Variants in SH3PXD2A observed in about 807,000 individuals in gnomAD.
The protein encoded by SH3PXD2A is SH3 and PX domain-containing protein 2A.
Under a neutral mutation model 115.2 loss-of-function variants are expected in SH3PXD2A, and 32 were observed. The ratio of observed to expected loss-of-function variants is 0.28; its 90% CI spans 0.21 to 0.37. The LOEUF is 0.37. SH3PXD2A is among the 10% of genes least tolerant of loss of function. The probability of loss-of-function intolerance (pLI) is 1.00; values close to 1 mark genes in which losing one functional copy is unlikely to be tolerated. For synonymous variants in SH3PXD2A, 610 were observed against 629.1 expected, an observed-to-expected ratio of 0.97 and a Z score of 0.45; for missense variants, 1,328 against 1,498.7, an observed-to-expected ratio of 0.89 and a Z score of 1.88.
rs928420097 is a variant in SH3PXD2A at position 103,630,999 on chromosome 10, A to AT, written c.605-3798dup. Among the ~76,000 whole-genome samples the AT allele has an allele frequency of 3.6e-4, 55 of 152,002 alleles. 1 individual carries two copies. The highest frequency in any genetic ancestry group is 6.6e-5 in the Admixed American group (1 of 15,264). Reference sequence around the variant, plus strand: ...GATGGTACCAAGCCCTTATATATACATTTTTTTCCTATACATACATGCCTA... The same window carrying AT: ...GATGGTACCAAGCCCTTATATATACATTTTTTTTCCTATACATACATGCCTA... On this transcript the variant is annotated intron_variant, in intron 8 of 14. Coordinates refer to ENST00000369774, the MANE Select transcript of SH3PXD2A (RefSeq NM_001394015.1).
At chr10:103,634,719 T>C (rs570373341) in intron 8 of SH3PXD2A, among the ~76,000 whole-genome samples, 1 of 152,264 alleles carries the variant, frequency 6.6e-6, no homozygotes, top group African/African-American at 2.4e-5. Flanking sequence ...TGGGTGTCAA[T>C]GTGTACAGCT....
intron 5 of SH3PXD2A, 79 bp from the exon 6 acceptor site, chr10:103,693,135 G>T: frequency 8.0e-7 from 1 of 1,247,854 alleles, no homozygotes. Flanking sequence ...GGCGCCCTCG[G>T]GCTGGCTGCG....
chr10:103,740,955 A>T (rs1668609429), intron 3 of SH3PXD2A, among the ~76,000 whole-genome samples: 1 of 152,178 alleles, frequency 6.6e-6, no homozygotes, highest in South Asian at 2.1e-4. Context: ...TTTACCTTCC[A>T]ATTGGGAAGG....
chr10:103,855,107 C>T (rs1842928379), intron 1 of SH3PXD2A, 88 bp downstream of exon 1: 3 of 886,456 alleles, frequency 3.4e-6, no homozygotes, highest in Admixed American at 3.2e-5. Flanking sequence ...AGCTTCGCGA[C>T]CTCACAGCTG....
chr10:103,694,307 G>C (rs1351416726), intron 5 of SH3PXD2A, among the ~76,000 whole-genome samples: 3 of 152,146 alleles, frequency 2.0e-5, no homozygotes, highest in Non-Finnish European at 4.4e-5. Flanking sequence ...CGGTGGAAGG[G>C]GGTTCTCTTG....
chr10:103,829,323 C>T (rs2039463133), intron 1 of SH3PXD2A, among the ~76,000 whole-genome samples: 1 of 152,186 alleles, frequency 6.6e-6, no homozygotes, highest in Non-Finnish European at 1.5e-5. Flanking sequence ...CTCTTAAAGA[C>T]TGTAATTTAT....
intron 5 of SH3PXD2A, among the ~76,000 whole-genome samples, chr10:103,716,790 C>A (rs986914322): frequency 6.6e-6 from 1 of 152,236 alleles, no homozygotes; most frequent in South Asian, 2.1e-4. Context: ...GCCCACCCTG[C>A]CCACAGGCTT....
In SH3PXD2A at chr10:103,596,372, T is replaced by C. The variant is rs1436346381; in HGVS notation, c.*5444A>G. ...CTGGGATGACTGCCTAGGCCACTTA[T>C]GCTAGACCTGTTAATGCCAGTGTGA... On this transcript the variant is annotated 3_prime_UTR_variant, in exon 15 of 15. Transcript: ENST00000369774. The C allele has an allele frequency of 2.0e-5, 3 of 152,596 alleles. No homozygotes were observed. Among genetic ancestry groups the C allele is most frequent in the Non-Finnish European group, 2.9e-5 (2 of 68,038 alleles). 9.5% of individuals were successfully genotyped at this position (152,596 alleles called of 1,614,324 possible).
At chr10:103,702,946 G>C (rs1295284182) in intron 5 of SH3PXD2A, among the ~76,000 whole-genome samples, 2 of 152,206 alleles carry the variant, frequency 1.3e-5, no homozygotes, top group African/African-American at 4.8e-5. Flanking sequence ...GTGTGTGTAT[G>C]GGTGTGTGTG....
chr10:103,767,396 G>C (rs147032455), intron 2 of SH3PXD2A, among the ~76,000 whole-genome samples: 1 of 152,322 alleles, frequency 6.6e-6, no homozygotes, highest in South Asian at 2.1e-4. Context: ...CTCAGTGAGC[G>C]GGTAGGAGTG....
intron 6 of SH3PXD2A, among the ~76,000 whole-genome samples, chr10:103,683,203 A>G (rs1328661335): frequency 6.6e-6 from 1 of 152,034 alleles, no homozygotes; most frequent in Non-Finnish European, 1.5e-5. Context: ...CTACCAAATA[A>G]ATAAACAAAT....
intron 6 of SH3PXD2A, among the ~76,000 whole-genome samples, chr10:103,682,635 T>A (rs2037625123): frequency 6.6e-6 from 1 of 151,946 alleles, no homozygotes; most frequent in Non-Finnish European, 1.5e-5. Context: ...CATGCATCTG[T>A]AATCCCAGCT....
chr10:103,750,434 G>C lies in SH3PXD2A; in HGVS notation c.230-14626C>G, dbSNP rs998320246. On this transcript the variant is annotated intron_variant, in intron 3 of 14. Transcript: ENST00000369774. ...ACTACAAGGCCTAGCACTCCTTTTGGAAGGACAGGGTCCCTGTGTTACCTG... is the reference window on the plus strand; with the variant it reads ...ACTACAAGGCCTAGCACTCCTTTTGCAAGGACAGGGTCCCTGTGTTACCTG... 8.0e-4 allele frequency among the ~76,000 whole-genome samples: 122 copies of C among 152,174 alleles called. 1 individual carries two copies. Among genetic ancestry groups the C allele is most frequent in the African/African-American group, 2.8e-3 (117 of 41,444 alleles).
chr10:103,811,214 A>G (rs1414591762), intron 1 of SH3PXD2A, among the ~76,000 whole-genome samples: 1 of 152,224 alleles, frequency 6.6e-6, no homozygotes, highest in Non-Finnish European at 1.5e-5. Context: ...TCACAATCCT[A>G]CATGGACCTT....
chr10:103,709,595 G>A (rs2038023592), intron 5 of SH3PXD2A, among the ~76,000 whole-genome samples: 1 of 152,202 alleles, frequency 6.6e-6, no homozygotes, highest in South Asian at 2.1e-4. Flanking sequence ...AGTAACAACT[G>A]GTACCATTCA....
At chr10:103,797,497 T>A (rs550370952) in intron 2 of SH3PXD2A, among the ~76,000 whole-genome samples, 20 of 152,124 alleles carry the variant, frequency 1.3e-4, no homozygotes, top group Non-Finnish European at 2.2e-4. Flanking sequence ...CTGTCCTTAA[T>A]GCCATGAGTC....
chr10:103,714,370 C>A (rs949329834), intron 5 of SH3PXD2A, among the ~76,000 whole-genome samples: 2 of 152,236 alleles, frequency 1.3e-5, no homozygotes, highest in Non-Finnish European at 2.9e-5. Flanking sequence ...TCCCTGCCAC[C>A]TTCCTCCCCA....
intron 9 of SH3PXD2A, among the ~76,000 whole-genome samples, chr10:103,626,879 A>G (rs961759996): frequency 3.9e-5 from 6 of 152,208 alleles, no homozygotes; most frequent in African/African-American, 1.4e-4. Flanking sequence ...GCCATCCCTC[A>G]GTTCCTGAGC....
intron 8 of SH3PXD2A, among the ~76,000 whole-genome samples, chr10:103,659,675 G>A (rs1399095245): frequency 2.0e-5 from 3 of 152,166 alleles, no homozygotes; most frequent in Non-Finnish European, 4.4e-5. Flanking sequence ...TGTCACTGCT[G>A]ACCACCTTGG....
Sources: allele counts gnomAD v4.1 joint callset (sites outside exome capture counted in the v4.1 genomes callset), GRCh38; gene constraint gnomAD v4.1.1; transcripts MANE v1.5; gene names NCBI Gene and HGNC (gene_info 2026-07-23, HGNC 2026-07-21).